INTS1: variants seen among roughly 807,000 people sequenced by gnomAD.
INTS1 encodes integrator complex subunit 1.
INTS1 carries 137 observed loss-of-function variants against 241.6 expected under a neutral mutation model. The observed-to-expected ratio is 0.57, with a 90% CI of 0.49 to 0.65. The LOEUF (loss-of-function observed/expected upper bound fraction) is 0.65, where lower values mean the gene tolerates loss of function less well. Ranked by LOEUF, INTS1 falls within the 30% of genes least tolerant of loss-of-function variation. INTS1 has a pLI of 0.00. For missense variants in INTS1, 3,073 were observed against 3,032.2 expected (o/e 1.01, Z -0.32); for synonymous variants, 1,692 against 1,337.8 (o/e 1.26, Z -5.78).
intron 35 of INTS1, among the ~76,000 whole-genome samples, chr7:1,477,270 G>A (rs990751702): frequency 6.6e-6 from 1 of 152,198 alleles, no homozygotes; most frequent in Non-Finnish European, 1.5e-5. Flanking sequence ...ATGATCTACA[G>A]GGTTTGGCAG....
At chr7:1,500,451 C>A in intron 3 of INTS1, 85 bp from the exon 4 acceptor site, 1 of 1,387,032 alleles carries the variant, frequency 7.2e-7, no homozygotes, top group East Asian at 2.5e-5. Context: ...CCACGAGGAA[C>A]CCAGAGCTCT....
At chr7:1,488,109 A>G (rs1782365021) in intron 18 of INTS1, among the ~76,000 whole-genome samples, 152 bp from the exon 19 acceptor site, 1 of 152,162 alleles carries the variant, frequency 6.6e-6, no homozygotes, top group Non-Finnish European at 1.5e-5. Context: ...GGTAGCATCC[A>G]TGGGGCTGTC....
At chr7:1,480,972 G>C (rs776804973) in intron 28 of INTS1, 39 bp from the exon 29 acceptor site, 1 of 1,467,850 alleles carries the variant, frequency 6.8e-7, no homozygotes, top group East Asian at 2.3e-5. Context: ...GCGCGGCCAG[G>C]GGCCAGGGAG....
intron 46 of INTS1, 53 bp downstream of exon 46, chr7:1,471,079 TG>T: frequency 6.5e-7 from 1 of 1,531,096 alleles, no homozygotes; most frequent in Non-Finnish European, 8.8e-7. Flanking sequence ...AGCGGTGACC[TG>T]GGTTAGCAGG....
In INTS1 at chr7:1,494,534, C is replaced by T. The variant is rs1428382302; in HGVS notation, c.1910+282G>A. 15 of 528,346 alleles carry T rather than the reference C, an allele frequency of 2.8e-5. No individual in the cohort carries two copies. The East Asian group carries it at 4.0e-4, about 14-fold the overall frequency. The allele number at this position is 528,346 out of a possible 1,614,324, so 32.7% of individuals were successfully genotyped here. A position where few individuals can be genotyped will look rare whatever the true frequency, so the allele number is the denominator to read the frequency against. ...GCGTGAAGGGTGGCGTGCCCGTGGACGCCCTGGAAGCAACTGGAAGGCGGG... is the reference window on the plus strand; with the variant it reads ...GCGTGAAGGGTGGCGTGCCCGTGGATGCCCTGGAAGCAACTGGAAGGCGGG... On this transcript the variant is annotated intron_variant, in intron 14 of 47. Transcript: ENST00000404767.
At position 1,481,604 on chromosome 7, in the gene INTS1, G is replaced by A. The variant is rs895996815; in HGVS notation, c.3704-116C>T. Reference sequence around the variant, plus strand: ...TGACCCCACCCACCTGAGACCCTGGGCCACGTGGGCTCGGTGACCCCACCC... The same window carrying A: ...TGACCCCACCCACCTGAGACCCTGGACCACGTGGGCTCGGTGACCCCACCC... On this transcript the variant is annotated intron_variant, in intron 27 of 47. Coordinates refer to ENST00000404767, the MANE Select transcript of INTS1 (RefSeq NM_001080453.3). This position sits in a 1 kb window ranked among gnomAD's most constrained non-coding sequence, Gnocchi z 6.8. The A allele has an allele frequency of 3.0e-6, 3 of 1,006,220 alleles. No individual in the cohort carries two copies. Among genetic ancestry groups the A allele is most frequent in the Non-Finnish European group, 4.0e-6 (3 of 756,362 alleles). The allele number at this position is 1,006,220 out of a possible 1,614,324, so 62.3% of individuals were successfully genotyped here. A position where few individuals can be genotyped will look rare whatever the true frequency, so the allele number is the denominator to read the frequency against.
chr7:1,490,653 G>A (rs1160494201), intron 16 of INTS1, among the ~76,000 whole-genome samples: 1 of 152,196 alleles, frequency 6.6e-6, no homozygotes, highest in African/African-American at 2.4e-5. Flanking sequence ...GCACTCCCCA[G>A]ACTGACCCAT....
rs1432436876 is a variant in INTS1, at chr7:1,476,281, C to CA, written c.5325dup (p.Val1776CysfsTer44). 6.3e-7 allele frequency: 1 copy of CA among 1,583,306 alleles called. No homozygotes were observed. The highest frequency in any genetic ancestry group is 8.6e-7 in the Non-Finnish European group (1 of 1,166,484). The stretch of plus-strand genomic sequence containing the variant: ...GACAGGTGCTCCGTCACCTTCCTGA[C>CA]ACTCTCATCGTCCCCACAGCAGCAG... On this transcript the variant is annotated frameshift_variant, in exon 38 of 48. Coordinates refer to ENST00000404767, the MANE Select transcript of INTS1 (RefSeq NM_001080453.3). LOFTEE classifies it high-confidence loss of function.
Position 1,494,852 on chromosome 7 carries a change from T to C in INTS1, c.1874A>G (p.Tyr625Cys), listed in dbSNP as rs757895240. 5 of 1,569,584 alleles carry C rather than the reference T, an allele frequency of 3.2e-6. No individual in the cohort carries two copies. The highest frequency in any genetic ancestry group is 2.4e-5 in the East Asian group (1 of 42,174). ...CTCGGGTGGCCAGTTGTCCCACTTG[T>C]AGTAGGTCTCCGGCTGCTCTGTGAA... ...VLFTEQPETY[Y>C]KWDNWPPESD... Residue 625 changes from tyrosine (Y) to cysteine (C), a missense_variant, in exon 14 of 48, where the codon TAC becomes TGC. By Grantham distance (194) the Tyr-to-Cys change is radical (BLOSUM62 -2). Coordinates refer to ENST00000404767, the MANE Select transcript of INTS1 (RefSeq NM_001080453.3).
intron 19 of INTS1, 44 bp downstream of exon 19, chr7:1,487,715 AG>A (rs747820007): frequency 1.3e-6 from 2 of 1,594,016 alleles, no homozygotes; most frequent in East Asian, 2.2e-5. Context: ...AACCACCCAC[AG>A]GTCCCGACGG....
intron 42 of INTS1, among the ~76,000 whole-genome samples, 177 bp downstream of exon 42, chr7:1,473,389 G>C (rs551410857): frequency 6.6e-6 from 1 of 152,320 alleles, no homozygotes; most frequent in South Asian, 2.1e-4. Context: ...GGTTCAGACG[G>C]CTTCGGCACA....
At chr7:1,480,687 G>T in intron 29 of INTS1, 148 bp downstream of exon 29, 1 of 744,710 alleles carries the variant, frequency 1.3e-6, no homozygotes, top group Non-Finnish European at 2.2e-6. Flanking sequence ...GAGAGTTTCT[G>T]TGGGGGCCCC....
At chr7:1,480,963 C>G (rs748511949) in intron 28 of INTS1, 30 bp from the exon 29 acceptor site, 4 of 1,541,700 alleles carry the variant, frequency 2.6e-6, no homozygotes, top group Non-Finnish European at 3.5e-6. Flanking sequence ...CACACCTGGG[C>G]GCGGCCAGGG....
chr7:1,483,794 G>A lies in INTS1; in HGVS notation c.3489C>T (p.His1163=), dbSNP rs1341635746. The stretch of plus-strand genomic sequence containing the variant: ...TCACCATGGCATGGACCACGAGGAT[G>A]TGCATGGTGGCTGTCTCCCCGCTGC... ...RWSSGETATM[H]ILVVHAMVIL... is the part of the protein sequence containing the mutation. The change falls in exon 26 of 48, where the codon CAC becomes CAT. Residue 1163 remains histidine (H), a synonymous_variant. Transcript: ENST00000404767. 1.2e-6 allele frequency: 2 copies of A among 1,612,518 alleles called. No homozygotes were observed. Among genetic ancestry groups the A allele is most frequent in the Non-Finnish European group, 1.7e-6 (2 of 1,179,716 alleles).
At position 1,486,736 on chromosome 7, in the gene INTS1, C is replaced by T. The variant is rs764479941; in HGVS notation, c.2865G>A (p.Gln955=). 2 of 1,612,200 alleles carry T rather than the reference C, an allele frequency of 1.2e-6. No individual in the cohort carries two copies. The highest frequency in any genetic ancestry group is 1.7e-5 in the Admixed American group (1 of 60,004). ...CAGCCTTCGGGCCCAGTAGCAGGTC[C>T]TGCAGGCGGCCCAGCAGCTGCCGCT... ...QKQRQLLGRL[Q]DLLLGPKADE... The change falls in exon 22 of 48, where the codon CAG becomes CAA. Residue 955 remains glutamine (Q), a synonymous_variant. Transcript: ENST00000404767.
At chr7:1,504,153 C>A (rs1783348476) in intron 1 of INTS1, among the ~76,000 whole-genome samples, 152 bp from the exon 2 acceptor site, 1 of 152,198 alleles carries the variant, frequency 6.6e-6, no homozygotes, top group African/African-American at 2.4e-5. Context: ...CTGCAGGGAC[C>A]CCGCCTCCCA....
At chr7:1,480,101 T>C (rs899998763) in intron 30 of INTS1, among the ~76,000 whole-genome samples, 9 of 152,322 alleles carry the variant, frequency 5.9e-5, no homozygotes, top group Non-Finnish European at 1.0e-4. Context: ...CCTTCCCCAA[T>C]GTTGGCCTAG....
At chr7:1,495,002 G>C in intron 13 of INTS1, 109 bp from the exon 14 acceptor site, 1 of 1,293,040 alleles carries the variant, frequency 7.7e-7, no homozygotes, top group East Asian at 2.5e-5. Context: ...CTCAGAGGCC[G>C]GGCTGCCTGG....
chr7:1,496,022 G>T, intron 12 of INTS1, 134 bp downstream of exon 12: 1 of 665,748 alleles, frequency 1.5e-6, no homozygotes, highest in Non-Finnish European at 2.6e-6. Context: ...CAGGCTCCGT[G>T]TCCCCGAGTA....
Sources: allele counts gnomAD v4.1 joint callset (sites outside exome capture counted in the v4.1 genomes callset), GRCh38; gene constraint gnomAD v4.1.1; non-coding constraint Gnocchi (gnomAD v3.1); transcripts MANE v1.5; gene names NCBI Gene and HGNC (gene_info 2026-07-23, HGNC 2026-07-21).